The following TCF20 variants were observed in gnomAD, a reference collection of about 807,000 sequenced individuals.
TCF20 encodes transcription factor 20, also known as SPRE-binding protein.
In TCF20, 3 loss-of-function variants were observed where a neutral mutation model predicts 148.6. The ratio of observed to expected loss-of-function variants is 0.02; its 90% confidence interval spans 0.01 to 0.05. The LOEUF is 0.05. Among genes scored for constraint, TCF20 ranks in the 10% least tolerant of loss-of-function variants. TCF20 has a pLI of 1.00. For missense variants in TCF20, 2,350 were observed against 2,429.3 expected, an observed-to-expected ratio of 0.97 and a Z score of 0.69; for synonymous variants, 1,049 against 909.5, an observed-to-expected ratio of 1.15 and a Z score of -2.76.
At chr22:42,308,819 C>T (rs1329371628) in intron 1 of TCF20, among the ~76,000 whole-genome samples, 1 of 152,142 alleles carries the variant, frequency 6.6e-6, no homozygotes, top group Non-Finnish European at 1.5e-5. Context: ...TCAATCCTGG[C>T]TCCCTGTCGC....
chr22:42,165,515 A>C (rs1214377518), intron 5 of TCF20, among the ~76,000 whole-genome samples: 1 of 152,266 alleles, frequency 6.6e-6, no homozygotes, highest in Non-Finnish European at 1.5e-5. Flanking sequence ...CCCCCTTGGC[A>C]CAAAGAGACA....
At chr22:42,161,972 CTTTTT>C (rs3045573) in intron 5 of TCF20, among the ~76,000 whole-genome samples, 90 of 75,008 alleles carry the variant, frequency 1.2e-3, no homozygotes, top group African/African-American at 5.0e-3. Context: ...TAATGACAGT[CTTTTT>C]TTTTTTTTTT....
chr22:42,253,825 C>A (rs975364209), intron 1 of TCF20, among the ~76,000 whole-genome samples: 49 of 152,178 alleles, frequency 3.2e-4, no homozygotes, highest in African/African-American at 1.2e-3. Flanking sequence ...TGCCTGTAAT[C>A]CCAGCACTTT....
At chr22:42,222,494 C>CG (rs887819010) in intron 1 of TCF20, among the ~76,000 whole-genome samples, 1 of 152,140 alleles carries the variant, frequency 6.6e-6, no homozygotes, top group Non-Finnish European at 1.5e-5. Flanking sequence ...TCACACCCCC[C>CG]CATAGGCCCT....
chr22:42,239,040 C>T (rs1010028360), intron 1 of TCF20, among the ~76,000 whole-genome samples: 13 of 151,802 alleles, frequency 8.6e-5, no homozygotes, highest in African/African-American at 2.4e-4. Context: ...ATGGCGTGAA[C>T]GCGGCAGGCA....
intron 3 of TCF20, among the ~76,000 whole-genome samples, chr22:42,176,412 A>T (rs1205738970): frequency 6.6e-6 from 1 of 152,188 alleles, no homozygotes; most frequent in South Asian, 2.1e-4. Flanking sequence ...GACCTGATCC[A>T]AGTCTGTTGG....
At chr22:42,179,819 C>T (rs1356872994) in intron 2 of TCF20, 117 bp from the exon 3 acceptor site, 5 of 692,028 alleles carry the variant, frequency 7.2e-6, no homozygotes, top group Admixed American at 2.2e-5. Flanking sequence ...TAGAGGAGTC[C>T]GTGGTGGCAG....
chr22:42,316,110 A>G (rs922372444), intron 1 of TCF20, among the ~76,000 whole-genome samples: 1 of 146,464 alleles, frequency 6.8e-6, no homozygotes, highest in Non-Finnish European at 1.5e-5. Context: ...TCTGTCTCAA[A>G]AAAAAAAAAA....
chr22:42,280,081 G>C (rs1926867330), intron 1 of TCF20, among the ~76,000 whole-genome samples: 8 of 152,236 alleles, frequency 5.3e-5, no homozygotes, highest in Admixed American at 5.2e-4. Context: ...TCTGTGGGCT[G>C]AGTGCAGAAT....
At chr22:42,333,989 G>C (rs980712549) in intron 1 of TCF20, among the ~76,000 whole-genome samples, 1 of 152,194 alleles carries the variant, frequency 6.6e-6, no homozygotes, top group Non-Finnish European at 1.5e-5. Flanking sequence ...AGGCTCACAA[G>C]GTTCCAGATG....
intron 1 of TCF20, among the ~76,000 whole-genome samples, chr22:42,277,874 C>T (rs923312703): frequency 6.6e-6 from 1 of 152,220 alleles, no homozygotes; most frequent in African/African-American, 2.4e-5. Flanking sequence ...AGGCCAAGCT[C>T]TCAAAGGCAA....
At chr22:42,196,302 T>C (rs2147145361) in intron 2 of TCF20, among the ~76,000 whole-genome samples, 1 of 152,334 alleles carries the variant, frequency 6.6e-6, no homozygotes, top group South Asian at 2.1e-4. Flanking sequence ...GAGCTGGTTT[T>C]AAATCGATGT....
chr22:42,283,340 C>T (rs1033324749), intron 1 of TCF20, among the ~76,000 whole-genome samples: 2 of 152,004 alleles, frequency 1.3e-5, no homozygotes, highest in Admixed American at 1.3e-4. Context: ...CCGCTCTGCA[C>T]CCTCACACCC....
At chr22:42,171,545 G>A (rs572928899) in intron 3 of TCF20, among the ~76,000 whole-genome samples, 14 of 152,272 alleles carry the variant, frequency 9.2e-5, no homozygotes, top group African/African-American at 3.1e-4. Context: ...TCTTGGCTCC[G>A]TGGGCCCAAG....
intron 1 of TCF20, among the ~76,000 whole-genome samples, chr22:42,335,752 G>C (rs1928055167): frequency 6.6e-6 from 1 of 152,180 alleles, no homozygotes; most frequent in Admixed American, 6.5e-5. Flanking sequence ...CACAGGACGT[G>C]AGACTAGGGA....
intron 1 of TCF20, among the ~76,000 whole-genome samples, chr22:42,300,942 T>C (rs1431410869): frequency 6.6e-6 from 1 of 152,032 alleles, no homozygotes; most frequent in Non-Finnish European, 1.5e-5. Context: ...GAGTCAGCCT[T>C]AACCCCACCT....
At chr22:42,244,220 A>G (rs1165389047) in intron 1 of TCF20, among the ~76,000 whole-genome samples, 1 of 152,190 alleles carries the variant, frequency 6.6e-6, no homozygotes, top group Non-Finnish European at 1.5e-5. Context: ...CACTGTGAAA[A>G]AGTCTGGTGG....
At chr22:42,293,298 T>C (rs1927166711) in intron 1 of TCF20, among the ~76,000 whole-genome samples, 1 of 152,216 alleles carries the variant, frequency 6.6e-6, no homozygotes, top group South Asian at 2.1e-4. Context: ...GCAAGGTTAT[T>C]GCCAGGATTC....
At chr22:42,190,459 GAC>G (rs34881449) in intron 2 of TCF20, among the ~76,000 whole-genome samples, 23 of 149,314 alleles carry the variant, frequency 1.5e-4, no homozygotes, top group African/African-American at 2.9e-4. Flanking sequence ...GACCTTGACT[GAC>G]ACACACACAC....
Sources: allele counts gnomAD v4.1 joint callset (sites outside exome capture counted in the v4.1 genomes callset), GRCh38; gene constraint gnomAD v4.1.1; transcripts MANE v1.5; gene names NCBI Gene and HGNC (gene_info 2026-07-23, HGNC 2026-07-21).